Variants in ANKFY1 observed in about 807,000 individuals in gnomAD.
ANKFY1 encodes ankyrin repeat and FYVE domain-containing protein 1.
ANKFY1 carries 47 observed loss-of-function variants against 128.3 expected under a neutral mutation model. That is an observed-to-expected ratio of 0.37 (90% CI 0.29 to 0.47). The LOEUF is 0.47. Ranked by LOEUF, ANKFY1 falls within the 20% of genes least tolerant of loss-of-function variation. The pLI is 1.00. For synonymous variants in ANKFY1, 553 were observed against 601.6 expected (o/e 0.92, Z 1.18); for missense variants, 1,222 against 1,510.6 (o/e 0.81, Z 3.17).
chr17:4,212,771 T>C (rs946311318), intron 4 of ANKFY1, among the ~76,000 whole-genome samples: 3 of 58,156 alleles, frequency 5.2e-5, no homozygotes, highest in African/African-American at 1.7e-4. Context: ...CAGAACACAC[T>C]TTTTTTTTTT....
chr17:4,185,130 G>A (rs970650480), intron 11 of ANKFY1, 84 bp from the exon 12 acceptor site: 59 of 1,280,052 alleles, frequency 4.6e-5, no homozygotes, highest in Non-Finnish European at 5.9e-5. Context: ...GCAAAACCTC[G>A]GGTCCTTGGC....
intron 4 of ANKFY1, among the ~76,000 whole-genome samples, chr17:4,210,204 C>T (rs1431591385): frequency 6.6e-6 from 1 of 152,118 alleles, no homozygotes; most frequent in Non-Finnish European, 1.5e-5. Flanking sequence ...GCATAATACC[C>T]CAACTGCCTT....
intron 7 of ANKFY1, 73 bp downstream of exon 7, chr17:4,206,248 G>C: frequency 6.5e-7 from 1 of 1,540,190 alleles, no homozygotes. Flanking sequence ...TGGGAACAAG[G>C]TCAGAAAGTC....
chr17:4,248,467 G>A (rs1166206745), intron 1 of ANKFY1, among the ~76,000 whole-genome samples: 3 of 152,178 alleles, frequency 2.0e-5, no homozygotes, highest in Non-Finnish European at 2.9e-5. Context: ...CCAGTCTCTG[G>A]TGCCAAAAAG....
At position 4,217,208 on chromosome 17, in the gene ANKFY1, G is replaced by C. The variant is rs937745539; in HGVS notation, c.323-90C>G. ...ATCCCTAAAATTTGAGGCTAATAAA[G>C]TAAATGACAGTATACCCAACTTAAA... On this transcript the variant is annotated intron_variant, in intron 3 of 24. Coordinates refer to ENST00000341657, the MANE Select transcript of ANKFY1 (RefSeq NM_001330063.2). 2.8e-6 allele frequency: 4 copies of C among 1,405,822 alleles called. No homozygotes were observed. In the African/African-American group the frequency reaches 5.7e-5, roughly 20 times the overall value. The allele number at this position is 1,405,822 out of a possible 1,614,324, so 87.1% of individuals were successfully genotyped here.
chr17:4,242,650 T>C (rs1432040117), intron 1 of ANKFY1, among the ~76,000 whole-genome samples: 1 of 152,176 alleles, frequency 6.6e-6, no homozygotes, highest in Non-Finnish European at 1.5e-5. Context: ...CCCAAAACTT[T>C]GGGAGGCCAA....
At chr17:4,202,981 C>CAA (rs56856304) in intron 7 of ANKFY1, among the ~76,000 whole-genome samples, 1 of 146,236 alleles carries the variant, frequency 6.8e-6, no homozygotes, top group African/African-American at 2.5e-5. Flanking sequence ...TAATCATACA[C>CAA]ATATATATAT....
At chr17:4,247,923 A>G (rs1967637712) in intron 1 of ANKFY1, among the ~76,000 whole-genome samples, 1 of 152,198 alleles carries the variant, frequency 6.6e-6, no homozygotes, top group Non-Finnish European at 1.5e-5. Context: ...AAAATATATT[A>G]GCTATTATTA....
At chr17:4,226,393 G>A (rs111631769) in intron 3 of ANKFY1, among the ~76,000 whole-genome samples, 8 of 151,926 alleles carry the variant, frequency 5.3e-5, no homozygotes, top group Non-Finnish European at 1.2e-4. Flanking sequence ...CAAGTGTGGT[G>A]GCATGCGCTT....
chr17:4,252,995 G>A (rs1441158913), intron 1 of ANKFY1, among the ~76,000 whole-genome samples: 1 of 152,174 alleles, frequency 6.6e-6, no homozygotes, highest in Non-Finnish European at 1.5e-5. Flanking sequence ...AGGCAAACCA[G>A]GATCACTTGA....
intron 19 of ANKFY1, among the ~76,000 whole-genome samples, chr17:4,175,224 T>A (rs1180358717): frequency 1.3e-5 from 2 of 151,112 alleles, no homozygotes; most frequent in African/African-American, 4.9e-5. Flanking sequence ...TCACAGCTAC[T>A]CGGGAGGATG....
At chr17:4,175,652 A>C in intron 19 of ANKFY1, among the ~76,000 whole-genome samples, 1 of 152,098 alleles carries the variant, frequency 6.6e-6, no homozygotes, top group African/African-American at 2.4e-5. Context: ...CCTCCCCAGA[A>C]CTCTGGGCGC....
rs1598017739 is a variant in ANKFY1, at chr17:4,178,714, A to G, written c.2598+143T>C. 5 of 812,646 alleles carry G rather than the reference A, an allele frequency of 6.2e-6. No homozygotes were observed. The highest frequency in any genetic ancestry group is 2.7e-5 in the East Asian group (1 of 37,192). The allele number at this position is 812,646 out of a possible 1,614,324, so 50.3% of individuals were successfully genotyped here. ...CATCCTGCACGGATGGGACATCTCA[A>G]CAGCCACATCTTAGGACAGGAGTAC... On this transcript the variant is annotated intron_variant, in intron 18 of 24. Coordinates refer to ENST00000341657, the MANE Select transcript of ANKFY1 (RefSeq NM_001330063.2). The surrounding 1 kb of genome is among the most constrained non-coding windows in gnomAD (Gnocchi z 4.1).
At chr17:4,197,967 T>A (rs892612350) in intron 7 of ANKFY1, among the ~76,000 whole-genome samples, 1 of 151,934 alleles carries the variant, frequency 6.6e-6, no homozygotes, top group African/African-American at 2.4e-5. Flanking sequence ...CCGTCTCTAC[T>A]ACAAATACAA....
At chr17:4,261,890 G>C (rs374193596) in intron 1 of ANKFY1, among the ~76,000 whole-genome samples, 2 of 152,340 alleles carry the variant, frequency 1.3e-5, no homozygotes, top group East Asian at 3.9e-4. Flanking sequence ...GCTGTCTGCT[G>C]TGTACAACAT....
intron 8 of ANKFY1, among the ~76,000 whole-genome samples, chr17:4,196,099 C>T (rs1316451058): frequency 2.4e-5 from 3 of 126,558 alleles, no homozygotes; most frequent in Non-Finnish European, 5.0e-5. Flanking sequence ...CCCCACCTCC[C>T]CCCAAAAACA....
rs746572099 is a variant in ANKFY1, at chr17:4,173,946, G to A, written c.2886C>T (p.Gly962=). 15 of 1,613,928 alleles carry A rather than the reference G, an allele frequency of 9.3e-6. No individual in the cohort carries two copies. The highest frequency in any genetic ancestry group is 1.1e-5 in the Non-Finnish European group (13 of 1,179,914). ...PTICSVLLEN[G]VDFAAVDENG... ...TCTCATCCACGGCAGCAAAGTCCAC[G>A]CCATTCTCTAGGAGGACTGAGCAGA... is the stretch of plus-strand genomic sequence containing the variant. Residue 962 remains glycine, a synonymous_variant, in exon 20 of 25, where the codon GGC becomes GGT. Coordinates refer to ENST00000341657, the MANE Select transcript of ANKFY1 (RefSeq NM_001330063.2).
intron 1 of ANKFY1, among the ~76,000 whole-genome samples, chr17:4,259,090 GA>G (rs1279879338): frequency 1.3e-5 from 2 of 152,098 alleles, no homozygotes; most frequent in African/African-American, 4.8e-5. Flanking sequence ...AGGCGCTGTG[GA>G]AAAAGGCTCT....
chr17:4,197,530 T>G lies in ANKFY1; in HGVS notation c.946A>C (p.Asn316His), dbSNP rs1310619485. 6.2e-6 allele frequency: 10 copies of G among 1,614,014 alleles called. No individual in the cohort carries two copies. The highest frequency in any genetic ancestry group is 8.5e-6 in the Non-Finnish European group (10 of 1,180,012). The change falls in exon 8 of 25, where the codon AAC (asparagine) becomes CAC (histidine). Residue 316 changes from asparagine (N) to histidine (H), a missense_variant. Asn to His is a moderately conservative substitution (Grantham distance 68). Coordinates refer to ENST00000341657, the MANE Select transcript of ANKFY1 (RefSeq NM_001330063.2). ...TFLIKNGAFV[N>H]AATLGAQETP... ...TCCTGGGCACCCAGTGTAGCAGCGT[T>G]GACAAAGGCCCCATTCTTAATGAGG... is the stretch of plus-strand genomic sequence containing the variant.
Sources: gnomAD v4.1 joint callset for allele counts (sites outside exome capture counted in the v4.1 genomes callset) on GRCh38, gnomAD v4.1.1 for gene constraint, Gnocchi (gnomAD v3.1) non-coding constraint, MANE v1.5 for transcripts, NCBI Gene and HGNC (gene_info 2026-07-23, HGNC 2026-07-21) for gene names.